The following CNTNAP5 variants were observed in gnomAD, a reference collection of about 807,000 sequenced individuals.
The protein encoded by CNTNAP5 is contactin-associated protein-like 5.
CNTNAP5 carries 72 observed loss-of-function variants against 150.2 expected under a neutral mutation model. The ratio of observed to expected loss-of-function variants is 0.48; its 90% CI spans 0.40 to 0.58. The LOEUF is 0.58. Among genes scored for constraint, CNTNAP5 ranks in the 20% least tolerant of loss-of-function variants. The probability of loss-of-function intolerance (pLI) is 0.00; values close to 1 mark genes in which losing one functional copy is unlikely to be tolerated. For missense variants in CNTNAP5, 1,636 were observed against 1,626.2 expected (o/e 1.01, Z -0.10); for synonymous variants, 672 against 619.8 (o/e 1.08, Z -1.25).
chr2:124,537,460 A>G (rs1695265324), intron 10 of CNTNAP5, among the ~76,000 whole-genome samples: 1 of 152,166 alleles, frequency 6.6e-6, no homozygotes, highest in Admixed American at 6.5e-5. Flanking sequence ...ACACACTGAG[A>G]TAGACGCAGA....
At chr2:124,738,672 A>G (rs902311707) in intron 13 of CNTNAP5, among the ~76,000 whole-genome samples, 6 of 151,828 alleles carry the variant, frequency 4.0e-5, no homozygotes, top group African/African-American at 1.5e-4. Context: ...CAGAGGTTGC[A>G]GTGAGCCGAG....
intron 10 of CNTNAP5, among the ~76,000 whole-genome samples, chr2:124,562,959 A>G (rs1233828754): frequency 3.3e-5 from 5 of 152,190 alleles, no homozygotes; most frequent in African/African-American, 4.8e-5. Context: ...ATTTGCCTCA[A>G]TATTAACATC....
intron 16 of CNTNAP5, among the ~76,000 whole-genome samples, chr2:124,767,116 C>A (rs1378073063): frequency 6.6e-6 from 1 of 152,132 alleles, no homozygotes; most frequent in East Asian, 1.9e-4. Flanking sequence ...TGGCAAGAAA[C>A]CTCTATAGAC....
At chr2:124,047,096 A>G (rs1681559117) in intron 1 of CNTNAP5, among the ~76,000 whole-genome samples, 1 of 152,220 alleles carries the variant, frequency 6.6e-6, no homozygotes, top group African/African-American at 2.4e-5. Flanking sequence ...GACCAAGACA[A>G]GTGATGAGGA....
Position 124,057,409 on chromosome 2 carries a change from G to A in CNTNAP5, c.82+31677G>A, listed in dbSNP as rs4848234. ...CCATTCTCCTGCCTCACCCTCCCGA[G>A]TAGCTGGGACTGCAGGCACCCACCA... On this transcript the variant is annotated intron_variant, in intron 1 of 23. Transcript: ENST00000682447. Among the ~76,000 whole-genome samples the A allele has an allele frequency of 3.0e-3, 422 of 141,954 alleles. 7 individuals are homozygous for A. The highest frequency in any genetic ancestry group is 0.022 in the Admixed American group (296 of 13,716). 93.1% of individuals were successfully genotyped at this position (141,954 alleles called of 152,430 possible).
At chr2:124,736,025 G>T (rs781669456) in intron 13 of CNTNAP5, among the ~76,000 whole-genome samples, 4 of 152,154 alleles carry the variant, frequency 2.6e-5, no homozygotes, top group Non-Finnish European at 4.4e-5. Context: ...GAGGTCAGGA[G>T]TTCGATACCA....
intron 10 of CNTNAP5, among the ~76,000 whole-genome samples, chr2:124,533,549 C>T (rs1374359964): frequency 6.6e-6 from 1 of 152,138 alleles, no homozygotes; most frequent in Admixed American, 6.5e-5. Context: ...GTTCCTGCCC[C>T]CACCTAGGGC....
chr2:124,414,849 C>G (rs941847183), intron 3 of CNTNAP5, among the ~76,000 whole-genome samples: 1 of 152,022 alleles, frequency 6.6e-6, no homozygotes, highest in African/African-American at 2.4e-5. Flanking sequence ...TACAGACCTA[C>G]GGACTCACAT....
intron 1 of CNTNAP5, among the ~76,000 whole-genome samples, chr2:124,172,265 C>T (rs1368431163): frequency 6.6e-6 from 1 of 151,972 alleles, no homozygotes; most frequent in Non-Finnish European, 1.5e-5. Flanking sequence ...TAAATAACTA[C>T]TAAAATATAT....
intron 1 of CNTNAP5, among the ~76,000 whole-genome samples, chr2:124,031,457 G>A (rs896913803): frequency 2.0e-5 from 3 of 152,102 alleles, no homozygotes; most frequent in Non-Finnish European, 4.4e-5. Context: ...ACTCATTACT[G>A]TTTTGGAAAT....
At chr2:124,220,412 C>T (rs962332552) in intron 1 of CNTNAP5, among the ~76,000 whole-genome samples, 7 of 152,198 alleles carry the variant, frequency 4.6e-5, no homozygotes, top group Non-Finnish European at 7.4e-5. Context: ...CATTAGCTCA[C>T]GATCCCATTC....
intron 19 of CNTNAP5, among the ~76,000 whole-genome samples, chr2:124,813,131 C>T (rs1682274369): frequency 6.6e-6 from 1 of 151,992 alleles, no homozygotes; most frequent in African/African-American, 2.4e-5. Context: ...GGCTGGAGTG[C>T]AGTGGTGTGA....
At chr2:124,515,108 C>T (rs1694679119) in intron 8 of CNTNAP5, among the ~76,000 whole-genome samples, 1 of 152,158 alleles carries the variant, frequency 6.6e-6, no homozygotes. Flanking sequence ...TCCAGGTTAC[C>T]TTGAAATATG....
intron 1 of CNTNAP5, among the ~76,000 whole-genome samples, chr2:124,214,344 GT>G (rs1409423454): frequency 6.6e-6 from 1 of 152,174 alleles, no homozygotes; most frequent in Non-Finnish European, 1.5e-5. Context: ...GAGCCCTCTT[GT>G]TAGCCCTGGA....
intron 5 of CNTNAP5, among the ~76,000 whole-genome samples, chr2:124,445,708 G>A (rs1348522723): frequency 6.6e-6 from 1 of 152,202 alleles, no homozygotes; most frequent in East Asian, 1.9e-4. Flanking sequence ...GGTTGAACAG[G>A]CTGCTGCAGC....
chr2:124,677,011 G>A (rs559755535), intron 13 of CNTNAP5, among the ~76,000 whole-genome samples: 23 of 152,298 alleles, frequency 1.5e-4, no homozygotes, highest in East Asian at 9.7e-4. Context: ...TAATATGTCC[G>A]GAATTGATTC....
chr2:124,610,487 A>G (rs757063382), intron 12 of CNTNAP5, among the ~76,000 whole-genome samples: 2 of 152,208 alleles, frequency 1.3e-5, no homozygotes, highest in Non-Finnish European at 2.9e-5. Flanking sequence ...AAACAAAATG[A>G]AAAGGTGAGT....
intron 3 of CNTNAP5, among the ~76,000 whole-genome samples, chr2:124,292,882 A>G (rs937366217): frequency 1.6e-4 from 24 of 152,190 alleles, no homozygotes; most frequent in African/African-American, 5.8e-4. Flanking sequence ...CAACATATAA[A>G]TTTTAAACTA....
chr2:124,683,211 A>G (rs949611632), intron 13 of CNTNAP5, among the ~76,000 whole-genome samples: 2 of 152,028 alleles, frequency 1.3e-5, no homozygotes, highest in Non-Finnish European at 2.9e-5. Context: ...TCTCCCATAT[A>G]CTATGTAGAT....
Sources: gnomAD v4.1 joint callset for allele counts (sites outside exome capture counted in the v4.1 genomes callset) on GRCh38, gnomAD v4.1.1 for gene constraint, MANE v1.5 for transcripts, NCBI Gene and HGNC (gene_info 2026-07-23, HGNC 2026-07-21) for gene names.